The following CUBN variants were observed in gnomAD, a reference collection of about 807,000 sequenced individuals.
CUBN encodes 460 kDa receptor.
CUBN carries 282 observed loss-of-function variants against 405.3 expected under a neutral mutation model. The observed-to-expected ratio is 0.70, with a 90% CI of 0.63 to 0.77. CUBN has a LOEUF of 0.77. Among genes scored for constraint, CUBN ranks in the 30% least tolerant of loss-of-function variants. The probability of loss-of-function intolerance (pLI) is 0.00; values close to 1 mark genes in which losing one functional copy is unlikely to be tolerated. For synonymous variants in CUBN, 1,684 were observed against 1,617.0 expected, an observed-to-expected ratio of 1.04 and a Z score of -0.99; for missense variants, 4,514 against 4,475.2, an observed-to-expected ratio of 1.01 and a Z score of -0.25.
chr10:16,925,088 G>A (rs923711934), intron 43 of CUBN, among the ~76,000 whole-genome samples, 153 bp downstream of exon 43: 3 of 152,106 alleles, frequency 2.0e-5, no homozygotes, highest in East Asian at 1.9e-4. Flanking sequence ...AAGTAGTCAC[G>A]ATGAGATATT....
intron 8 of CUBN, 144 bp downstream of exon 8, chr10:17,113,883 A>G: frequency 1.2e-6 from 1 of 817,654 alleles, no homozygotes; most frequent in Non-Finnish European, 2.1e-6. Flanking sequence ...TAGCAGTGAG[A>G]TCGTCGAGCA....
At chr10:17,090,231 T>A (rs887068317) in intron 14 of CUBN, among the ~76,000 whole-genome samples, 1 of 152,162 alleles carries the variant, frequency 6.6e-6, no homozygotes, top group Non-Finnish European at 1.5e-5. Flanking sequence ...CCAGGATATA[T>A]GATGTGAAAA....
At chr10:17,036,092 A>G (rs1834891313) in intron 27 of CUBN, among the ~76,000 whole-genome samples, 1 of 152,146 alleles carries the variant, frequency 6.6e-6, no homozygotes. Flanking sequence ...TGCCCAGAAC[A>G]TAATCTGTGA....
At chr10:16,917,643 C>T (rs1288096725) in intron 45 of CUBN, among the ~76,000 whole-genome samples, 2 of 151,942 alleles carry the variant, frequency 1.3e-5, no homozygotes, top group Non-Finnish European at 2.9e-5. Context: ...TTGATTTAAC[C>T]ACATATATTT....
intron 22 of CUBN, among the ~76,000 whole-genome samples, chr10:17,058,699 C>A (rs1195181798): frequency 6.6e-6 from 1 of 151,994 alleles, no homozygotes; most frequent in African/African-American, 2.4e-5. Flanking sequence ...GTTTACATTT[C>A]TTCCCTTGAC....
chr10:16,915,676 C>A, intron 46 of CUBN, 145 bp downstream of exon 46: 2 of 743,132 alleles, frequency 2.7e-6, no homozygotes, highest in South Asian at 3.1e-5. Flanking sequence ...AGAGAATCAC[C>A]AGTACTGCCC....
chr10:16,897,845 G>A (rs1313851373), intron 54 of CUBN, among the ~76,000 whole-genome samples: 1 of 152,122 alleles, frequency 6.6e-6, no homozygotes, highest in Non-Finnish European at 1.5e-5. Flanking sequence ...CCACTCGGCA[G>A]CAGCGTTGGG....
At chr10:17,087,479 T>TA (rs1359047716) in intron 15 of CUBN, among the ~76,000 whole-genome samples, 1 of 115,166 alleles carries the variant, frequency 8.7e-6, no homozygotes, top group African/African-American at 3.1e-5. Flanking sequence ...TTTCTTTTTT[T>TA]TTTTTTTTTT....
At chr10:16,926,807 T>TATC (rs1842201285) in intron 41 of CUBN, among the ~76,000 whole-genome samples, 5 of 97,878 alleles carry the variant, frequency 5.1e-5, no homozygotes, top group African/African-American at 2.1e-4. Context: ...TGAAATTTTT[T>TATC]TTTCTATCTA....
At chr10:16,934,138 A>C (rs1488830469) in intron 39 of CUBN, among the ~76,000 whole-genome samples, 1 of 152,224 alleles carries the variant, frequency 6.6e-6, no homozygotes, top group Admixed American at 6.5e-5. Flanking sequence ...CTACAAAGCT[A>C]GGAGGAGAGA....
intron 28 of CUBN, among the ~76,000 whole-genome samples, chr10:17,008,238 G>GGTGT (rs55936618): frequency 0.24 from 19,532 of 80,464 alleles, 1,398 homozygotes; most frequent in South Asian, 0.34. Context: ...GCCCGTGTGT[G>GGTGT]GTGTGTGTGT....
intron 40 of CUBN, 95 bp downstream of exon 40, chr10:16,932,992 C>A: frequency 7.6e-7 from 1 of 1,321,830 alleles, no homozygotes; most frequent in East Asian, 2.4e-5. Flanking sequence ...AATTCCAAAC[C>A]AAACGGATGG....
chr10:16,936,223 T>C (rs1200816910), intron 39 of CUBN, among the ~76,000 whole-genome samples: 1 of 152,206 alleles, frequency 6.6e-6, no homozygotes, highest in Non-Finnish European at 1.5e-5. Flanking sequence ...AATAATTCCT[T>C]TTCTACCTTG....
chr10:17,024,361 C>A (rs1179069491), intron 27 of CUBN, among the ~76,000 whole-genome samples: 1 of 152,142 alleles, frequency 6.6e-6, no homozygotes, highest in Non-Finnish European at 1.5e-5. Context: ...ACTGCAGGAT[C>A]TCCAAGAACA....
At chr10:17,022,714 G>GTA (rs1443451027) in intron 27 of CUBN, among the ~76,000 whole-genome samples, 2 of 152,182 alleles carry the variant, frequency 1.3e-5, no homozygotes, top group African/African-American at 4.8e-5. Context: ...AGGGCATGAA[G>GTA]TACAGTTCTA....
At chr10:16,908,910 C>T (rs1464972298) in intron 48 of CUBN, among the ~76,000 whole-genome samples, 3 of 133,648 alleles carry the variant, frequency 2.2e-5, no homozygotes, top group Admixed American at 8.4e-5. Context: ...GAGTCTCGCT[C>T]TGTCGCCCAG....
chr10:17,007,836 T>A (rs1021862720), intron 28 of CUBN, among the ~76,000 whole-genome samples: 1 of 152,160 alleles, frequency 6.6e-6, no homozygotes, highest in Non-Finnish European at 1.5e-5. Context: ...CCTTCTGATA[T>A]GTTACACACA....
At chr10:16,888,974 G>A (rs1175954643) in intron 55 of CUBN, among the ~76,000 whole-genome samples, 1 of 152,118 alleles carries the variant, frequency 6.6e-6, no homozygotes, top group Non-Finnish European at 1.5e-5. Flanking sequence ...CTTATTATTA[G>A]AAAACTGCTA....
At position 16,913,970 on chromosome 10, in the gene CUBN, G is replaced by A; in HGVS notation, c.7374C>T (p.Gly2458=). The A allele has an allele frequency of 6.2e-7, 1 of 1,613,968 alleles. No homozygotes were observed. The highest frequency in any genetic ancestry group is 8.5e-7 in the Non-Finnish European group (1 of 1,179,990). ...TGGGAGAAGTAAATGTTCCAATAGA[G>A]CCCTGAAGATCCCCACCACACTCTG... is the stretch of plus-strand genomic sequence containing the variant. ...SMEECGGDLQ[G]SIGTFTSPNY... is the part of the protein sequence containing the mutation. The change falls in exon 48 of 67, where the codon GGC becomes GGT. Residue 2458 remains glycine, a synonymous_variant. Transcript: ENST00000377833.
Sources: allele counts gnomAD v4.1 joint callset (sites outside exome capture counted in the v4.1 genomes callset), GRCh38; gene constraint gnomAD v4.1.1; transcripts MANE v1.5; gene names NCBI Gene and HGNC (gene_info 2026-07-23, HGNC 2026-07-21).